The following TGS1 variants were observed in gnomAD, a reference collection of about 807,000 sequenced individuals.
TGS1 encodes trimethylguanosine synthase.
In TGS1, 69 loss-of-function variants were observed where a neutral mutation model predicts 92.2. That is an observed-to-expected ratio of 0.75 (90% confidence interval 0.62 to 0.91). TGS1 has a LOEUF of 0.91. Among genes scored for constraint, TGS1 ranks in the 40% least tolerant of loss-of-function variants. The pLI is 0.00. For missense variants in TGS1, 1,062 were observed against 1,001.2 expected, an observed-to-expected ratio of 1.06 and a Z score of -0.82; for synonymous variants, 345 against 338.1, an observed-to-expected ratio of 1.02 and a Z score of -0.22.
chr8:55,805,421 T>C (rs1335610172), intron 10 of TGS1, among the ~76,000 whole-genome samples: 1 of 152,224 alleles, frequency 6.6e-6, no homozygotes, highest in African/African-American at 2.4e-5. Context: ...CATAGGTAGA[T>C]ACTAGTTTGT....
chr8:55,777,072 A>G (rs1449907298), intron 1 of TGS1, among the ~76,000 whole-genome samples: 8 of 151,878 alleles, frequency 5.3e-5, no homozygotes, highest in Non-Finnish European at 1.0e-4. Flanking sequence ...CAATGGTACA[A>G]TCACAGCTCA....
At chr8:55,789,954 C>G (rs1291132128) in intron 4 of TGS1, 1 of 393,898 alleles carries the variant, frequency 2.5e-6, no homozygotes, top group African/African-American at 2.0e-5. Flanking sequence ...AAAATGTATA[C>G]ATGGACAGTT....
chr8:55,782,819 T>C lies in TGS1; in HGVS notation c.166+7T>C, dbSNP rs943434224. On this transcript the variant is annotated splice_region_variant and intron_variant, in intron 2 of 12. Coordinates refer to ENST00000260129, the MANE Select transcript of TGS1 (RefSeq NM_024831.8). The stretch of plus-strand genomic sequence containing the variant: ...GACAGTGGCAACAATTCAGGTAATA[T>C]AGTATAAAATTCTATAAACCTTTTT... 1.9e-6 allele frequency: 3 copies of C among 1,574,866 alleles called. No homozygotes were observed. Among genetic ancestry groups the C allele is most frequent in the Admixed American group, 3.7e-5 (2 of 53,740 alleles).
chr8:55,776,984 G>GT (rs1355727596), intron 1 of TGS1, among the ~76,000 whole-genome samples: 6 of 151,174 alleles, frequency 4.0e-5, no homozygotes, highest in Non-Finnish European at 7.4e-5. Flanking sequence ...GTTCTTGGGT[G>GT]TTTTTTTTGT....
chr8:55,806,058 C>T (rs1812359707), intron 10 of TGS1, among the ~76,000 whole-genome samples: 2 of 150,850 alleles, frequency 1.3e-5, no homozygotes, highest in Non-Finnish European at 3.0e-5. Flanking sequence ...GACCTAGGCT[C>T]TTAAAAAAAT....
chr8:55,782,960 C>A, intron 2 of TGS1, 148 bp downstream of exon 2: 1 of 596,560 alleles, frequency 1.7e-6, no homozygotes, highest in Non-Finnish European at 2.9e-6. Flanking sequence ...TTTTTATTTT[C>A]TTTTATAACA....
chr8:55,788,912 C>T (rs1811797302), intron 4 of TGS1, among the ~76,000 whole-genome samples: 1 of 152,136 alleles, frequency 6.6e-6, no homozygotes, highest in South Asian at 2.1e-4. Context: ...CTCTTTGGTT[C>T]TCCTCCCTCA....
intron 10 of TGS1, among the ~76,000 whole-genome samples, chr8:55,807,174 C>T (rs1251927250): frequency 1.3e-5 from 2 of 152,064 alleles, no homozygotes; most frequent in African/African-American, 4.8e-5. Flanking sequence ...ATGATCCTCC[C>T]GCCTCAGCCT....
At chr8:55,808,166 A>G (rs1268947706) in intron 10 of TGS1, among the ~76,000 whole-genome samples, 1 of 152,182 alleles carries the variant, frequency 6.6e-6, no homozygotes, top group African/African-American at 2.4e-5. Context: ...CCAAGGCATG[A>G]TATTTGCTAA....
intron 1 of TGS1, 27 bp from the exon 2 acceptor site, chr8:55,782,721 A>C: frequency 6.4e-7 from 1 of 1,566,312 alleles, no homozygotes; most frequent in Non-Finnish European, 8.6e-7. Context: ...ATTCATTTCA[A>C]TATGAACTGC....
chr8:55,802,148 C>T (rs1229350272), intron 8 of TGS1, among the ~76,000 whole-genome samples: 33 of 152,148 alleles, frequency 2.2e-4, no homozygotes, highest in African/African-American at 7.2e-4. Context: ...GAGCCAAGAT[C>T]GTGCCACTGC....
rs10109493 is a variant in TGS1 at position 55,799,154 on chromosome 8, A to G, written c.1783A>G (p.Thr595Ala). ...CTATGAAAGAGACAGCTTGCTAGCA[A>G]CTGTTCCAGATGAGCAGGATTGTGT... is the stretch of plus-strand genomic sequence containing the variant. The part of the protein sequence containing the change: ...ENYERDSLLA[T>A]VPDEQDCVTQ... Residue 595 changes from threonine (T) to alanine (A), a missense_variant, in exon 8 of 13, where the codon ACT (threonine) becomes GCT (alanine). Physicochemically the swap from Thr to Ala is moderately conservative, Grantham distance 58. Coordinates refer to ENST00000260129, the MANE Select transcript of TGS1 (RefSeq NM_024831.8). 185,262 of 1,613,906 alleles carry G rather than the reference A, an allele frequency of 0.11. 11,433 individuals are homozygous for G. The highest frequency in any genetic ancestry group is 0.17 in the South Asian group (15,330 of 91,078).
chr8:55,814,268 T>G (rs902292214), intron 12 of TGS1, among the ~76,000 whole-genome samples: 3 of 152,106 alleles, frequency 2.0e-5, no homozygotes, highest in Non-Finnish European at 2.9e-5. Flanking sequence ...TTAAAAAAAC[T>G]ACTGATACTG....
chr8:55,791,835 A>C lies in TGS1; in HGVS notation c.1281-863A>C, dbSNP rs1811893285. 2.6e-5 allele frequency among the ~76,000 whole-genome samples: 4 copies of C among 152,334 alleles called. No homozygotes were observed. In the South Asian group the frequency reaches 8.3e-4, roughly 32 times the overall value. On this transcript the variant is annotated intron_variant, in intron 5 of 12. Coordinates refer to ENST00000260129, the MANE Select transcript of TGS1 (RefSeq NM_024831.8). ...TATACACTTGTACACATAATTAAACACGTAGAGAATAATGTAAGGTGGGAT... is the reference window on the plus strand; with the variant it reads ...TATACACTTGTACACATAATTAAACCCGTAGAGAATAATGTAAGGTGGGAT...
In TGS1 at chr8:55,783,531, T is replaced by C. The variant is rs533456464; in HGVS notation, c.166+719T>C. On this transcript the variant is annotated intron_variant, in intron 2 of 12. Transcript: ENST00000260129. ...GGGATAAAAATTCCAGGTGAACATC[T>C]ATAGTCTTTTGCCTGAAGTAAAGAG... 7.9e-5 allele frequency among the ~76,000 whole-genome samples: 12 copies of C among 152,304 alleles called. No individual in the cohort carries two copies. In the South Asian group the frequency reaches 2.5e-3, roughly 32 times the overall value.
chr8:55,779,090 A>C (rs974440143), intron 1 of TGS1, among the ~76,000 whole-genome samples: 2 of 152,146 alleles, frequency 1.3e-5, no homozygotes, highest in African/African-American at 4.8e-5. Flanking sequence ...AATTACAACA[A>C]ATCTTCTATT....
chr8:55,785,627 G>C, intron 2 of TGS1, 92 bp from the exon 3 acceptor site: 4 of 921,990 alleles, frequency 4.3e-6, no homozygotes, highest in Non-Finnish European at 6.3e-6. Flanking sequence ...TTTTGGGCGG[G>C]TCACTCTGGA....
chr8:55,787,283 C>T (rs780394444), intron 4 of TGS1, among the ~76,000 whole-genome samples: 11 of 152,178 alleles, frequency 7.2e-5, no homozygotes, highest in Non-Finnish European at 1.3e-4. Flanking sequence ...TTCTCTTGTA[C>T]TTTGGTGGCT....
chr8:55,801,582 CTT>C (rs1212417955), intron 8 of TGS1, among the ~76,000 whole-genome samples: 17 of 48,212 alleles, frequency 3.5e-4, no homozygotes, highest in African/African-American at 1.3e-3. Context: ...CCCCATCGTT[CTT>C]TTTTTTTTTT....
Sources: allele counts gnomAD v4.1 joint callset (sites outside exome capture counted in the v4.1 genomes callset), GRCh38; gene constraint gnomAD v4.1.1; transcripts MANE v1.5; gene names NCBI Gene and HGNC (gene_info 2026-07-23, HGNC 2026-07-21).